Variants in CUEDC1 observed in about 807,000 individuals in gnomAD.
CUEDC1 encodes CUE domain-containing protein 1.
Under a neutral mutation model 43.7 loss-of-function variants are expected in CUEDC1, and 30 were observed. The observed-to-expected ratio is 0.69, with a 90% CI of 0.51 to 0.93. The LOEUF (loss-of-function observed/expected upper bound fraction) is 0.93, where lower values mean the gene tolerates loss of function less well. Among genes scored for constraint, CUEDC1 ranks in the 40% least tolerant of loss-of-function variants. The pLI is 0.00. For missense variants in CUEDC1, 486 were observed against 549.0 expected, an observed-to-expected ratio of 0.89 and a Z score of 1.15; for synonymous variants, 223 against 223.6, an observed-to-expected ratio of 1.00 and a Z score of 0.02.
At chr17:57,946,790 A>G (rs914393453) in intron 1 of CUEDC1, among the ~76,000 whole-genome samples, 3 of 151,970 alleles carry the variant, frequency 2.0e-5, no homozygotes, top group Non-Finnish European at 2.9e-5. Context: ...TGCACATCTG[A>G]TATCTTCATA....
intron 7 of CUEDC1, 140 bp from the exon 8 acceptor site, chr17:57,868,383 A>C (rs2073990272): frequency 1.4e-6 from 1 of 711,212 alleles, no homozygotes; most frequent in Non-Finnish European, 2.5e-6. Flanking sequence ...GGAGCTGAGG[A>C]GGGAGAGATG....
intron 5 of CUEDC1, 89 bp from the exon 6 acceptor site, chr17:57,871,458 G>T: frequency 1.9e-6 from 2 of 1,047,724 alleles, no homozygotes; most frequent in Non-Finnish European, 3.0e-6. Flanking sequence ...TTTGCTAGAG[G>T]CTAAGTCCCC....
chr17:57,910,652 G>GA (rs999514310), intron 1 of CUEDC1, among the ~76,000 whole-genome samples: 2 of 150,178 alleles, frequency 1.3e-5, no homozygotes, highest in Non-Finnish European at 3.0e-5. Flanking sequence ...GAAAGGAAAG[G>GA]AAAAAAGAGA....
rs190055430 is a variant in CUEDC1 at position 57,873,578 on chromosome 17, C to T, written c.591+13G>A. The T allele has an allele frequency of 1.0e-4, 159 of 1,536,846 alleles. No individual in the cohort carries two copies. Among genetic ancestry groups the T allele is most frequent in the African/African-American group, 8.2e-4 (59 of 72,052 alleles). ...AGCAGGTGGGAGTGGAAGGCGGGGG[C>T]GGCCCCTGTTACCTGTATGCTGTCC... On this transcript the variant is annotated intron_variant, in intron 4 of 10. Coordinates refer to ENST00000577830, the MANE Select transcript of CUEDC1 (RefSeq NM_001271875.2).
intron 1 of CUEDC1, among the ~76,000 whole-genome samples, chr17:57,896,688 A>C (rs2144994181): frequency 6.6e-6 from 1 of 152,182 alleles, no homozygotes; most frequent in African/African-American, 2.4e-5. Context: ...TAAAATATGC[A>C]AATAATCCAT....
chr17:57,884,197 T>C (rs958355285), intron 2 of CUEDC1, among the ~76,000 whole-genome samples: 18 of 136,552 alleles, frequency 1.3e-4, no homozygotes, highest in African/African-American at 2.5e-4. Flanking sequence ...CTTTTCTTTT[T>C]TTTTTTTTTT....
chr17:57,893,374 T>TGTGTGTGTGTGTGTG (rs397762963), intron 1 of CUEDC1, among the ~76,000 whole-genome samples: 4 of 151,846 alleles, frequency 2.6e-5, no homozygotes, highest in Non-Finnish European at 5.9e-5. Flanking sequence ...TGTGTGTGTG[T>TGTGTGTGTGTGTGTG]TTCAGGCAGC....
At chr17:57,926,840 T>C (rs180990161) in intron 1 of CUEDC1, among the ~76,000 whole-genome samples, 97 of 152,266 alleles carry the variant, frequency 6.4e-4, no homozygotes, top group African/African-American at 2.3e-3. Context: ...ATGGGGCTGC[T>C]TCTGGAACAT....
At chr17:57,897,408 C>T (rs1319492623) in intron 1 of CUEDC1, among the ~76,000 whole-genome samples, 4 of 152,126 alleles carry the variant, frequency 2.6e-5, no homozygotes, top group Admixed American at 6.5e-5. Flanking sequence ...CAGTGGCTCA[C>T]GCCTGTAATC....
intron 5 of CUEDC1, 84 bp from the exon 6 acceptor site, chr17:57,871,453 T>G: frequency 8.8e-7 from 1 of 1,132,604 alleles, no homozygotes; most frequent in Non-Finnish European, 1.3e-6. Flanking sequence ...GGTAGTTTGC[T>G]AGAGGCTAAG....
chr17:57,933,326 C>T (rs1040137882), intron 1 of CUEDC1, among the ~76,000 whole-genome samples: 2 of 110,746 alleles, frequency 1.8e-5, no homozygotes, highest in Non-Finnish European at 4.4e-5. Flanking sequence ...ACGTGTTGGT[C>T]GGTTCCTCCA....
chr17:57,900,291 A>T (rs2074457681), intron 1 of CUEDC1, among the ~76,000 whole-genome samples: 1 of 152,110 alleles, frequency 6.6e-6, no homozygotes, highest in Non-Finnish European at 1.5e-5. Context: ...CCAGGGATAT[A>T]GGTGGGGGCT....
chr17:57,878,315 C>T (rs1304811363), intron 3 of CUEDC1, among the ~76,000 whole-genome samples: 3 of 152,190 alleles, frequency 2.0e-5, no homozygotes, highest in Non-Finnish European at 4.4e-5. Context: ...CAACAGTGCC[C>T]GCCTCTGCAT....
intron 1 of CUEDC1, among the ~76,000 whole-genome samples, chr17:57,899,504 G>A (rs1320568363): frequency 1.3e-5 from 2 of 152,182 alleles, no homozygotes; most frequent in Non-Finnish European, 2.9e-5. Context: ...CCCAGTGGCT[G>A]CAGCACTGGG....
chr17:57,935,911 C>G (rs1209638088), intron 1 of CUEDC1, among the ~76,000 whole-genome samples: 1 of 152,248 alleles, frequency 6.6e-6, no homozygotes. Flanking sequence ...AAGCCTCCCT[C>G]TGGGGCTCCT....
chr17:57,928,649 C>T (rs1015810172), intron 1 of CUEDC1, among the ~76,000 whole-genome samples: 3 of 151,772 alleles, frequency 2.0e-5, no homozygotes, highest in Non-Finnish European at 4.4e-5. Context: ...GAGTCCTCTA[C>T]GTTTTCACGC....
intron 1 of CUEDC1, among the ~76,000 whole-genome samples, chr17:57,897,495 C>A (rs2074424067): frequency 6.6e-6 from 1 of 151,490 alleles, no homozygotes; most frequent in South Asian, 2.1e-4. Flanking sequence ...ACGGTGAAAC[C>A]CCGTCTCTAC....
At chr17:57,923,485 C>T (rs1458686518) in intron 1 of CUEDC1, among the ~76,000 whole-genome samples, 4 of 152,238 alleles carry the variant, frequency 2.6e-5, no homozygotes, top group African/African-American at 9.6e-5. Flanking sequence ...GTCTCAAGAT[C>T]ATCCAAGGGA....
intron 1 of CUEDC1, among the ~76,000 whole-genome samples, chr17:57,923,010 A>G (rs1204264519): frequency 6.6e-6 from 1 of 151,832 alleles, no homozygotes; most frequent in East Asian, 1.9e-4. Flanking sequence ...GATTTTTTAT[A>G]GAGACGGGCC....
Sources: allele counts gnomAD v4.1 joint callset (sites outside exome capture counted in the v4.1 genomes callset), GRCh38; gene constraint gnomAD v4.1.1; transcripts MANE v1.5; gene names NCBI Gene and HGNC (gene_info 2026-07-23, HGNC 2026-07-21).